Variants in EBPL observed in about 807,000 individuals in gnomAD.
EBPL encodes EBP like, also known as emopamil-binding protein-like.
Under a neutral mutation model 19.0 loss-of-function variants are expected in EBPL, and 20 were observed. That is an observed-to-expected ratio of 1.05 (90% CI 0.74 to 1.53). The LOEUF (loss-of-function observed/expected upper bound fraction) is 1.53, where lower values mean the gene tolerates loss of function less well. Ranked by LOEUF, EBPL falls within the 40% of genes most tolerant of loss-of-function variation. The probability of loss-of-function intolerance (pLI) is 0.00; values close to 1 mark genes in which losing one functional copy is unlikely to be tolerated. For synonymous variants in EBPL, 107 were observed against 117.0 expected, an observed-to-expected ratio of 0.91 and a Z score of 0.55; for missense variants, 219 against 261.1, an observed-to-expected ratio of 0.84 and a Z score of 1.11.
rs1303243089 is a variant in EBPL at position 49,663,873 on chromosome 13, C to T, written c.242-678G>A. On this transcript the variant is annotated intron_variant, in intron 2 of 3. Transcript: ENST00000242827. Reference sequence around the variant, plus strand: ...CCAGGAGGCGGAGCTTGCAGTGAGCCGAGATTGCGCCACTGCACTCCAGCC... The same window carrying T: ...CCAGGAGGCGGAGCTTGCAGTGAGCTGAGATTGCGCCACTGCACTCCAGCC... 7.3e-5 allele frequency among the ~76,000 whole-genome samples: 11 copies of T among 150,078 alleles called. 1 individual carries two copies. In the Admixed American group the frequency reaches 7.3e-4, roughly 10 times the overall value.
At chr13:49,688,999 T>C (rs1954031582) in intron 1 of EBPL, among the ~76,000 whole-genome samples, 1 of 152,198 alleles carries the variant, frequency 6.6e-6, no homozygotes, top group Non-Finnish European at 1.5e-5. Context: ...GACAGAAAAA[T>C]GTGTCCACTA....
chr13:49,662,291 T>C (rs1420364830), intron 3 of EBPL, among the ~76,000 whole-genome samples: 1 of 152,080 alleles, frequency 6.6e-6, no homozygotes, highest in Non-Finnish European at 1.5e-5. Flanking sequence ...CCACCGCACC[T>C]GGTCTCTCTG....
chr13:49,668,668 T>C (rs1953773964), intron 2 of EBPL: 1 of 370,930 alleles, frequency 2.7e-6, no homozygotes, highest in South Asian at 2.0e-5. Flanking sequence ...TTTTATAAAG[T>C]GGTAAAAAAA....
rs1594421318 is a variant in EBPL, at chr13:49,691,352, C to G, written c.73G>C (p.Gly25Arg). The change falls in exon 1 of 4, where the codon GGC becomes CGC. Residue 25 changes from glycine to arginine, a missense_variant. Coordinates refer to ENST00000242827, the MANE Select transcript of EBPL (RefSeq NM_032565.5). ...CCCAGGCGCAGGCCCAGGGCGCAGC[C>G]CGCCGCCAGCAGCGCGGCGCACAGC... ...LLLCAALLAA[G>R]CALGLRLGRG... is the part of the protein sequence containing the mutation. The G allele has an allele frequency of 1.3e-5, 18 of 1,356,808 alleles. No individual in the cohort carries two copies. The highest frequency in any genetic ancestry group is 1.6e-5 in the Non-Finnish European group (17 of 1,050,774). 84.0% of individuals were successfully genotyped at this position (1,356,808 alleles called of 1,614,324 possible).
intron 2 of EBPL, 136 bp from the exon 3 acceptor site, chr13:49,663,331 T>C: frequency 8.6e-7 from 1 of 1,165,758 alleles, no homozygotes. Flanking sequence ...GATGCCTTAG[T>C]GGAAGGCAGG....
At chr13:49,662,548 A>G (rs1467045332) in intron 3 of EBPL, among the ~76,000 whole-genome samples, 2 of 152,140 alleles carry the variant, frequency 1.3e-5, no homozygotes, top group South Asian at 2.1e-4. Context: ...TATTAAAATA[A>G]TATTTCTCAT....
chr13:49,669,817 T>C lies in EBPL; in HGVS notation c.201A>G (p.Val67=), dbSNP rs373778623. Residue 67 remains valine, a synonymous_variant, in exon 2 of 4, where the codon GTA becomes GTG. Coordinates refer to ENST00000242827, the MANE Select transcript of EBPL (RefSeq NM_032565.5). ...AGCCATCGGAATTTGCAACGTTTCC[T>C]ACTAAAGACAAGTAGACAAAAGGGC... The part of the protein sequence containing the change: ...LEGPFVYLSL[V]GNVANSDGLI... 7.4e-6 allele frequency: 12 copies of C among 1,613,994 alleles called. No homozygotes were observed. The African/African-American group carries it at 1.5e-4, about 20-fold the overall frequency.
chr13:49,685,282 T>C (rs79913101), intron 1 of EBPL, among the ~76,000 whole-genome samples: 2,993 of 152,210 alleles, frequency 0.02, 108 homozygotes, highest in African/African-American at 0.069. Context: ...TCCCCAAACA[T>C]ATCCATACAT....
At chr13:49,669,080 C>T (rs914291474) in intron 2 of EBPL, among the ~76,000 whole-genome samples, 4 of 152,044 alleles carry the variant, frequency 2.6e-5, no homozygotes, top group African/African-American at 9.7e-5. Flanking sequence ...AGGATTTCAC[C>T]GTGTTAGCCA....
chr13:49,670,774 A>G (rs1279913251), intron 1 of EBPL, among the ~76,000 whole-genome samples: 2 of 152,216 alleles, frequency 1.3e-5, no homozygotes, highest in African/African-American at 4.8e-5. Flanking sequence ...CTTAAGTAAA[A>G]AAACTGAAAA....
intron 1 of EBPL, among the ~76,000 whole-genome samples, chr13:49,672,278 C>A (rs1953825703): frequency 6.6e-6 from 1 of 152,220 alleles, no homozygotes; most frequent in Non-Finnish European, 1.5e-5. Flanking sequence ...CTATCTCTTA[C>A]TGTATTAATG....
At chr13:49,669,560 T>C (rs1953787462) in intron 2 of EBPL, among the ~76,000 whole-genome samples, 1 of 151,852 alleles carries the variant, frequency 6.6e-6, no homozygotes, top group African/African-American at 2.4e-5. Flanking sequence ...CAAAAAGAAA[T>C]CCGTGCCCAT....
At chr13:49,666,679 T>A (rs1272096882) in intron 2 of EBPL, among the ~76,000 whole-genome samples, 1 of 124,214 alleles carries the variant, frequency 8.1e-6, no homozygotes, top group African/African-American at 3.1e-5. Flanking sequence ...ACCACTGCAG[T>A]CCAGCTTGGG....
rs1594420652 is a variant in EBPL at position 49,690,479 on chromosome 13, GTGTGTGTGTGCGTGCGCGTGT to G, written c.171+754_171+774del. On this transcript the variant is annotated intron_variant, in intron 1 of 3. Coordinates refer to ENST00000242827, the MANE Select transcript of EBPL (RefSeq NM_032565.5). Reference sequence around the variant, plus strand: ...GTTTAAAAAAAACTTAAAAGTGTGTGTGTGTGTGTGCGTGCGCGTGTGTGGTGGGGGGCGGGGCATTTCAAT... The same window carrying G: ...GTTTAAAAAAAACTTAAAAGTGTGTGGTGGTGGGGGGCGGGGCATTTCAAT... Among the ~76,000 whole-genome samples the G allele has an allele frequency of 1.4e-4, 9 of 64,016 alleles. 1 individual carries two copies. The East Asian group carries it at 2.5e-3, about 17-fold the overall frequency. The allele number at this position is 64,016 out of a possible 152,430, so 42.0% of individuals were successfully genotyped here.
At chr13:49,667,882 C>T (rs1331797639) in intron 2 of EBPL, among the ~76,000 whole-genome samples, 1 of 152,198 alleles carries the variant, frequency 6.6e-6, no homozygotes, top group East Asian at 1.9e-4. Context: ...CAAATCTGGG[C>T]TGTTTGCTTT....
At chr13:49,673,287 G>A (rs755841536) in intron 1 of EBPL, among the ~76,000 whole-genome samples, 1 of 152,086 alleles carries the variant, frequency 6.6e-6, no homozygotes, top group African/African-American at 2.4e-5. Context: ...TTCCACAGTT[G>A]GGTATTTCTC....
intron 2 of EBPL, among the ~76,000 whole-genome samples, chr13:49,663,911 C>T (rs377590858): frequency 5.2e-5 from 7 of 134,308 alleles, no homozygotes; most frequent in Admixed American, 7.9e-5. Flanking sequence ...GGTGACAGAG[C>T]GAGACTCCGT....
chr13:49,674,498 T>C (rs1953854539), intron 1 of EBPL, among the ~76,000 whole-genome samples: 1 of 151,866 alleles, frequency 6.6e-6, no homozygotes, highest in South Asian at 2.1e-4. Context: ...TACAACTGTA[T>C]GTGAATCTAC....
In EBPL at chr13:49,691,361, G is replaced by A. The variant is rs1187977485; in HGVS notation, c.64C>T (p.Leu22=). The part of the protein sequence containing the change: ...GGSLLLCAAL[L]AAGCALGLRL... ...AGGCCCAGGGCGCAGCCCGCCGCCA[G>A]CAGCGCGGCGCACAGCAGCAGCGAA... The change falls in exon 1 of 4, where the codon CTG becomes TTG. Residue 22 remains leucine (L), a synonymous_variant. Coordinates refer to ENST00000242827, the MANE Select transcript of EBPL (RefSeq NM_032565.5). 13 of 1,359,662 alleles carry A rather than the reference G, an allele frequency of 9.6e-6. No individual in the cohort carries two copies. The highest frequency in any genetic ancestry group is 3.1e-5 in the Admixed American group (1 of 32,752). The allele number at this position is 1,359,662 out of a possible 1,614,324, so 84.2% of individuals were successfully genotyped here.
Sources: allele counts gnomAD v4.1 joint callset (sites outside exome capture counted in the v4.1 genomes callset), GRCh38; gene constraint gnomAD v4.1.1; transcripts MANE v1.5; gene names NCBI Gene and HGNC (gene_info 2026-07-23, HGNC 2026-07-21).